Variants in PRKN observed in about 807,000 individuals in gnomAD.
PRKN encodes E3 ubiquitin-protein ligase parkin.
Under a neutral mutation model 59.5 loss-of-function variants are expected in PRKN, and 56 were observed. That is an observed-to-expected ratio of 0.94 (90% CI 0.76 to 1.18). PRKN has a LOEUF of 1.18. PRKN is among the 50% of genes most tolerant of loss of function. PRKN has a pLI of 0.00. For missense variants in PRKN, 657 were observed against 596.4 expected, an observed-to-expected ratio of 1.10 and a Z score of -1.06; for synonymous variants, 250 against 222.1, an observed-to-expected ratio of 1.13 and a Z score of -1.12.
intron 1 of PRKN, among the ~76,000 whole-genome samples, chr6:162,623,111 C>T (rs1782744240): frequency 1.3e-5 from 2 of 152,194 alleles, no homozygotes; most frequent in South Asian, 4.1e-4. Flanking sequence ...AGGCTTCAGC[C>T]TCAACCTCTT....
chr6:161,735,423 AG>A (rs1244039252), intron 7 of PRKN, among the ~76,000 whole-genome samples: 2 of 152,190 alleles, frequency 1.3e-5, no homozygotes, highest in Non-Finnish European at 2.9e-5. Flanking sequence ...AGCTTACTTG[AG>A]GATATTTATA....
intron 6 of PRKN, among the ~76,000 whole-genome samples, chr6:161,903,314 CTG>C (rs1303123462): frequency 6.6e-6 from 1 of 152,148 alleles, no homozygotes; most frequent in Non-Finnish European, 1.5e-5. Flanking sequence ...TTGGCAGCAA[CTG>C]CAAAGTGGGC....
chr6:162,493,197 C>T (rs527460379), intron 1 of PRKN, among the ~76,000 whole-genome samples: 50 of 152,208 alleles, frequency 3.3e-4, no homozygotes, highest in African/African-American at 1.1e-3. Context: ...AACCACCATC[C>T]CTTTATGTAG....
At chr6:161,832,221 A>G (rs1194911534) in intron 6 of PRKN, among the ~76,000 whole-genome samples, 1 of 152,228 alleles carries the variant, frequency 6.6e-6, no homozygotes, top group Non-Finnish European at 1.5e-5. Flanking sequence ...AACTCAAAAT[A>G]AGCATAGCTT....
At chr6:162,540,861 A>C (rs577436602) in intron 1 of PRKN, among the ~76,000 whole-genome samples, 1 of 152,222 alleles carries the variant, frequency 6.6e-6, no homozygotes, top group South Asian at 2.1e-4. Flanking sequence ...ATTTCTGGAC[A>C]TATCTGTCCA....
rs1347888747 is a variant in PRKN at position 161,376,413 on chromosome 6, GCAC to G, written c.1167+10378_1167+10380del. 6.6e-6 allele frequency among the ~76,000 whole-genome samples: 1 copy of G among 152,122 alleles called. No individual in the cohort carries two copies. The highest frequency in any genetic ancestry group is 1.5e-5 in the Non-Finnish European group (1 of 68,026). On this transcript the variant is annotated intron_variant, in intron 10 of 11. Transcript: ENST00000366898. The surrounding 1 kb of genome is among the most constrained non-coding windows in gnomAD (Gnocchi z 7.3). ...TTTCTGTCTCCTCTTCCAGCCAATG[GCAC>G]CACCATCGTTCTAAGCTAGACATTC... is the stretch of plus-strand genomic sequence containing the variant.
At chr6:162,296,866 T>C (rs1438780804) in intron 2 of PRKN, among the ~76,000 whole-genome samples, 2 of 152,138 alleles carry the variant, frequency 1.3e-5, no homozygotes, top group Admixed American at 6.5e-5. Flanking sequence ...AAAAGCATCG[T>C]TTCCATGCCA....
chr6:162,518,749 C>T lies in PRKN; in HGVS notation c.8-75276G>A, dbSNP rs79665576. On this transcript the variant is annotated intron_variant, in intron 1 of 11. Coordinates refer to ENST00000366898, the MANE Select transcript of PRKN (RefSeq NM_004562.3). ...ATGTTTCATTCTAACTCTAAACTCA[C>T]AAGACATAGACATGTAAGTTTAGTA... 3.7e-3 allele frequency among the ~76,000 whole-genome samples: 560 copies of T among 152,234 alleles called. 10 individuals carry two copies. The highest frequency in any genetic ancestry group is 0.028 in the Admixed American group (421 of 15,278).
chr6:162,181,864 A>G (rs1279107892), intron 4 of PRKN, among the ~76,000 whole-genome samples: 1 of 152,186 alleles, frequency 6.6e-6, no homozygotes, highest in Non-Finnish European at 1.5e-5. Flanking sequence ...AGAGGTTCTG[A>G]AAGGTTAAGG....
At position 162,519,223 on chromosome 6, in the gene PRKN, G is replaced by T. The variant is rs541755390; in HGVS notation, c.8-75750C>A. ...GCAATAAGGGAGGGTCAGTATTTAC[G>T]AAGTGACTCATTTAAAATACGGAAT... On this transcript the variant is annotated intron_variant, in intron 1 of 11. Coordinates refer to ENST00000366898, the MANE Select transcript of PRKN (RefSeq NM_004562.3). 1.1e-4 allele frequency among the ~76,000 whole-genome samples: 16 copies of T among 152,264 alleles called. No homozygotes were observed. In the East Asian group the frequency reaches 3.1e-3, roughly 29 times the overall value.
At chr6:162,605,775 G>C (rs1042432444) in intron 1 of PRKN, among the ~76,000 whole-genome samples, 7 of 152,090 alleles carry the variant, frequency 4.6e-5, no homozygotes, top group Admixed American at 3.9e-4. Flanking sequence ...TTCATATCAC[G>C]TGGCCTTGTA....
At chr6:162,152,280 C>T (rs1474907866) in intron 4 of PRKN, among the ~76,000 whole-genome samples, 1 of 152,118 alleles carries the variant, frequency 6.6e-6, no homozygotes, top group Non-Finnish European at 1.5e-5. Flanking sequence ...ATGTGTGTCT[C>T]CCAAATTTTC....
intron 4 of PRKN, among the ~76,000 whole-genome samples, chr6:162,134,514 A>T (rs1781494353): frequency 6.6e-6 from 1 of 152,124 alleles, no homozygotes; most frequent in African/African-American, 2.4e-5. Flanking sequence ...CAGAAGGGAG[A>T]GTGAAGTGAA....
At chr6:162,369,822 T>G (rs188721890) in intron 2 of PRKN, among the ~76,000 whole-genome samples, 1 of 152,242 alleles carries the variant, frequency 6.6e-6, no homozygotes, top group African/African-American at 2.4e-5. Context: ...ACATTTTGCA[T>G]AGCACTAAGG....
intron 6 of PRKN, among the ~76,000 whole-genome samples, chr6:161,921,953 C>A (rs895084771): frequency 2.0e-5 from 3 of 152,176 alleles, no homozygotes; most frequent in Non-Finnish European, 2.9e-5. Flanking sequence ...AAAGTGGATT[C>A]TCTGGGATGC....
rs1369146190 is a variant in PRKN, at chr6:161,525,983, T to C, written c.1083+22871A>G. Reference sequence around the variant, plus strand: ...ATAACAGAAAAGATTAACTGAAAGATAGGTTTAAGTTGCCTGTAACCCAAA... The same window carrying C: ...ATAACAGAAAAGATTAACTGAAAGACAGGTTTAAGTTGCCTGTAACCCAAA... On this transcript the variant is annotated intron_variant, in intron 9 of 11. Coordinates refer to ENST00000366898, the MANE Select transcript of PRKN (RefSeq NM_004562.3). The surrounding 1 kb of genome is among the most constrained non-coding windows in gnomAD (Gnocchi z 4.7). Among the ~76,000 whole-genome samples, 7 of 152,232 alleles carry C rather than the reference T, an allele frequency of 4.6e-5. No individual in the cohort carries two copies. Among genetic ancestry groups the C allele is most frequent in the Admixed American group, 4.6e-4 (7 of 15,284 alleles).
chr6:161,856,361 A>AAAATAAATAAATAAATAAATAAATAAAT (rs113381073), intron 6 of PRKN, among the ~76,000 whole-genome samples: 6 of 149,352 alleles, frequency 4.0e-5, no homozygotes, highest in African/African-American at 1.2e-4. Context: ...ATGCCATCTC[A>AAAATAAATAAATAAATAAATAAATAAAT]AAATAAATAA....
At chr6:161,855,118 A>G (rs1317045985) in intron 6 of PRKN, among the ~76,000 whole-genome samples, 1 of 151,580 alleles carries the variant, frequency 6.6e-6, no homozygotes, top group Non-Finnish European at 1.5e-5. Flanking sequence ...AAAGAAAAAG[A>G]AAAGTGGTTC....
chr6:162,510,692 C>A (rs1012475989), intron 1 of PRKN, among the ~76,000 whole-genome samples: 4 of 152,072 alleles, frequency 2.6e-5, no homozygotes, highest in African/African-American at 9.7e-5. Context: ...GGAGGCCGGG[C>A]GAGCAGATCA....
Sources: gnomAD v4.1 joint callset for allele counts (sites outside exome capture counted in the v4.1 genomes callset) on GRCh38, gnomAD v4.1.1 for gene constraint, Gnocchi (gnomAD v3.1) non-coding constraint, MANE v1.5 for transcripts, NCBI Gene and HGNC (gene_info 2026-07-23, HGNC 2026-07-21) for gene names.